The following ANK2 variants were observed in gnomAD, a reference collection of about 807,000 sequenced individuals.
The protein encoded by ANK2 is ankyrin 2.
Under a neutral mutation model 360.5 loss-of-function variants are expected in ANK2, and 83 were observed. The observed-to-expected ratio is 0.23, with a 90% CI of 0.19 to 0.28. The LOEUF (loss-of-function observed/expected upper bound fraction) is 0.28. Among genes scored for constraint, ANK2 ranks in the 10% least tolerant of loss-of-function variants. The pLI, the probability that ANK2 is intolerant of heterozygous loss-of-function variation, is 1.00. For missense variants in ANK2, 4,201 were observed against 4,795.7 expected (o/e 0.88, Z 3.66); for synonymous variants, 1,740 against 1,759.5 (o/e 0.99, Z 0.28).
Position 113,274,578 on chromosome 4 carries a change from G to T in ANK2, c.1612G>T (p.Ala538Ser), listed in dbSNP as rs781717043. The change falls in exon 15 of 46, where the codon GCC becomes TCC. Residue 538 changes from alanine to serine, a missense_variant. Ala to Ser is a moderately conservative substitution (Grantham distance 99). Around this residue, in one of 4 missense-constraint regions of ANK2, gnomAD observed 1,268 missense variants for 1,650.8 expected, o/e 0.77. Transcript: ENST00000357077. ...TNGYTPLHIS[A>S]REGQVDVASV... ...TGGGTACACACCACTGCACATCTCT[G>T]CCCGGGAGGGCCAGGTGGATGTGGC... 11 of 1,614,084 alleles carry T rather than the reference G, an allele frequency of 6.8e-6. No homozygotes were observed. Among genetic ancestry groups the T allele is most frequent in the African/African-American group, 1.3e-5 (1 of 74,928 alleles).
At chr4:113,292,627 CT>C in intron 21 of ANK2, 113 bp downstream of exon 21, 2 of 1,161,728 alleles carry the variant, frequency 1.7e-6, no homozygotes, top group Non-Finnish European at 2.5e-6. Flanking sequence ...AATAAGCCCC[CT>C]GGACTCTGGA....
Position 113,237,641 on chromosome 4 carries a change from A to G in ANK2, c.693+19A>G, listed in dbSNP as rs2099393820. The stretch of plus-strand genomic sequence containing the variant: ...AACTGAGGTACAGTATTGTGGTTAT[A>G]CCAAAATTTACCTTGTCTTTATTTT... On this transcript the variant is annotated intron_variant, in intron 7 of 45. Coordinates refer to ENST00000357077, the MANE Select transcript of ANK2 (RefSeq NM_001148.6). The G allele has an allele frequency of 1.9e-6, 3 of 1,585,916 alleles. No homozygotes were observed. Among genetic ancestry groups the G allele is most frequent in the Admixed American group, 1.7e-5 (1 of 59,952 alleles).
intron 2 of ANK2, among the ~76,000 whole-genome samples, chr4:113,039,160 T>G (rs556617784): frequency 2.0e-5 from 3 of 152,188 alleles, no homozygotes; most frequent in South Asian, 2.1e-4. Context: ...ATTTTAGTGG[T>G]CAGTCATTAA....
chr4:113,048,276 ATTTTTTTTTT>A (rs1165941601), upstream of ANK2, among the ~76,000 whole-genome samples: 179 of 39,438 alleles, frequency 4.5e-3, 1 homozygote, highest in South Asian at 0.013. Flanking sequence ...ATATATATAT[ATTTTTTTTTT>A]TTTTTTTTTT....
intron 26 of ANK2, among the ~76,000 whole-genome samples, chr4:113,329,102 T>C (rs907529540): frequency 1.3e-5 from 2 of 152,216 alleles, no homozygotes; most frequent in African/African-American, 2.4e-5. Context: ...AAGACACTAA[T>C]GTAATTTGTG....
chr4:113,368,476 C>T (rs536350975), intron 42 of ANK2, among the ~76,000 whole-genome samples: 62 of 152,276 alleles, frequency 4.1e-4, no homozygotes, highest in Non-Finnish European at 7.2e-4. Flanking sequence ...AGAAGCCTTC[C>T]GAAGAGCTTC....
intron 26 of ANK2, among the ~76,000 whole-genome samples, chr4:113,326,620 A>G (rs1002637834): frequency 6.6e-6 from 1 of 151,914 alleles, no homozygotes; most frequent in Non-Finnish European, 1.5e-5. Flanking sequence ...TCTAAAGAAA[A>G]TTTCCTCACT....
chr4:112,889,247 C>A (rs375090399), intron 1 of ANK2, among the ~76,000 whole-genome samples: 1,673 of 148,262 alleles, frequency 0.011, 23 homozygotes, highest in African/African-American at 0.03. Flanking sequence ...AAAAAAAAAA[C>A]AAAACCTTAA....
chr4:113,292,231 T>A (rs1179086089), intron 20 of ANK2, among the ~76,000 whole-genome samples, 185 bp from the exon 21 acceptor site: 3 of 152,220 alleles, frequency 2.0e-5, no homozygotes, highest in African/African-American at 7.2e-5. Flanking sequence ...TTCTCTTTGC[T>A]TAGCAGACCA....
intron 4 of ANK2, among the ~76,000 whole-genome samples, chr4:113,216,513 C>A (rs1025567731): frequency 1.3e-5 from 2 of 152,192 alleles, no homozygotes; most frequent in Admixed American, 1.3e-4. Flanking sequence ...CAATGAAATG[C>A]CTTATGAAGG....
At chr4:112,794,930 A>G in the ANK2 span, among the ~76,000 whole-genome samples, 3 of 152,214 alleles carry the variant, frequency 2.0e-5, no homozygotes, top group Non-Finnish European at 2.9e-5. Context: ...TCAGAAAATA[A>G]CTAGATTTGT....
chr4:113,135,105 G>A (rs1045870719), intron 1 of ANK2, among the ~76,000 whole-genome samples: 2 of 152,044 alleles, frequency 1.3e-5, no homozygotes, highest in Non-Finnish European at 2.9e-5. Flanking sequence ...ATCTTTCTGT[G>A]AGTATTTATT....
At chr4:112,765,871 C>T in the ANK2 span, among the ~76,000 whole-genome samples, 1 of 152,158 alleles carries the variant, frequency 6.6e-6, no homozygotes, top group South Asian at 2.1e-4. Flanking sequence ...GCTGTACTGG[C>T]ATATATTGAC....
At chr4:112,731,293 CAA>C in the ANK2 span, among the ~76,000 whole-genome samples, 39 of 65,010 alleles carry the variant, frequency 6.0e-4, no homozygotes, top group South Asian at 5.5e-3. Context: ...GATGTAGTCT[CAA>C]AAAAAAAAAA....
At chr4:113,142,325 G>A (rs1036547527) in intron 1 of ANK2, among the ~76,000 whole-genome samples, 1 of 152,172 alleles carries the variant, frequency 6.6e-6, no homozygotes, top group African/African-American at 2.4e-5. Flanking sequence ...AACTAGAAAC[G>A]TTTTAACTTC....
intron 2 of ANK2, among the ~76,000 whole-genome samples, chr4:112,975,402 T>C (rs1437261989): frequency 6.6e-6 from 1 of 152,142 alleles, no homozygotes; most frequent in Admixed American, 6.6e-5. Flanking sequence ...ATGGTTGAGG[T>C]ATATATGAAG....
At chr4:112,729,452 A>T in the ANK2 span, among the ~76,000 whole-genome samples, 1,479 of 152,252 alleles carry the variant, frequency 9.7e-3, 24 homozygotes, top group African/African-American at 0.034. Context: ...CCATCAGTGG[A>T]TGATTAGATA....
chr4:112,707,514 AT>A, the ANK2 span, among the ~76,000 whole-genome samples: 1 of 151,926 alleles, frequency 6.6e-6, no homozygotes, highest in Non-Finnish European at 1.5e-5. Context: ...TTTTTTTATT[AT>A]TTTCTGGAAG....
chr4:112,851,202 G>A (rs1198829813), intron 1 of ANK2, among the ~76,000 whole-genome samples: 1 of 152,130 alleles, frequency 6.6e-6, no homozygotes, highest in Non-Finnish European at 1.5e-5. Flanking sequence ...AATTATATAG[G>A]CCACTTTGAG....
Sources: allele counts gnomAD v4.1 joint callset (sites outside exome capture counted in the v4.1 genomes callset), GRCh38; gene constraint gnomAD v4.1.1; regional missense constraint gnomAD v4.1.1; transcripts MANE v1.5; gene names NCBI Gene and HGNC (gene_info 2026-07-23, HGNC 2026-07-21).